The following CEP112 variants were observed in gnomAD, a reference collection of about 807,000 sequenced individuals.
The protein encoded by CEP112 is centrosomal protein 112, also known as centrosomal protein of 112 kDa.
A neutral mutation model predicts 153.0 loss-of-function variants in CEP112; 127 were observed. The observed-to-expected ratio is 0.83, with a 90% CI of 0.72 to 0.96. CEP112 has a LOEUF of 0.96. Among genes scored for constraint, CEP112 ranks in the 40% least tolerant of loss-of-function variants. CEP112 has a pLI of 0.00. For synonymous variants in CEP112, 358 were observed against 374.4 expected, an observed-to-expected ratio of 0.96 and a Z score of 0.51; for missense variants, 1,089 against 1,101.2, an observed-to-expected ratio of 0.99 and a Z score of 0.16.
chr17:66,011,635 T>C (rs1195346306), intron 16 of CEP112, among the ~76,000 whole-genome samples: 1 of 152,126 alleles, frequency 6.6e-6, no homozygotes, highest in African/African-American at 2.4e-5. Context: ...TTGTGTCCAA[T>C]TGTGTGCTTG....
At chr17:65,685,014 G>A (rs1447024614) in intron 24 of CEP112, among the ~76,000 whole-genome samples, 1 of 152,150 alleles carries the variant, frequency 6.6e-6, no homozygotes, top group Non-Finnish European at 1.5e-5. Flanking sequence ...TCACGTTTTT[G>A]TAAAGCTGAC....
chr17:66,065,371 T>C (rs553937820), intron 10 of CEP112, among the ~76,000 whole-genome samples: 5 of 152,300 alleles, frequency 3.3e-5, no homozygotes, highest in Middle Eastern at 3.4e-3. Flanking sequence ...CAGCCTATGT[T>C]TTCTAATAAG....
chr17:65,866,603 G>A (rs1405329957), intron 20 of CEP112, among the ~76,000 whole-genome samples: 1 of 152,128 alleles, frequency 6.6e-6, no homozygotes, highest in Non-Finnish European at 1.5e-5. Flanking sequence ...CCAATCACAG[G>A]CACTTCCTCC....
At chr17:65,969,248 G>GT (rs998752527) in intron 17 of CEP112, among the ~76,000 whole-genome samples, 35 of 151,600 alleles carry the variant, frequency 2.3e-4, no homozygotes, top group Admixed American at 1.2e-3. Flanking sequence ...CGCCTGACTA[G>GT]TTTTTTTTGT....
intron 21 of CEP112, among the ~76,000 whole-genome samples, chr17:65,845,280 T>C (rs895172233): frequency 6.6e-6 from 1 of 152,058 alleles, no homozygotes; most frequent in Admixed American, 6.6e-5. Flanking sequence ...GATTGTACCA[T>C]TGCACTCCAG....
chr17:65,910,142 C>G (rs188206004), intron 19 of CEP112, among the ~76,000 whole-genome samples: 1 of 152,246 alleles, frequency 6.6e-6, no homozygotes, highest in Admixed American at 6.5e-5. Flanking sequence ...TGTTAAAAGA[C>G]AGAGCCAGTA....
At chr17:65,872,957 C>T (rs1568148750) in intron 20 of CEP112, 2 of 152,056 alleles carry the variant, frequency 1.3e-5, no homozygotes, top group South Asian at 2.1e-4. Context: ...TTGTACTTAC[C>T]GAGAGTACAG....
At position 65,798,706 on chromosome 17, in the gene CEP112, C is replaced by T. The variant is rs1025104845; in HGVS notation, c.2395-47982G>A. ...TCGCAGAACAGAATTTGGAAAAATC[C>T]GAGAATTTTTACTGTCTCTTGTTTA... On this transcript the variant is annotated intron_variant, in intron 21 of 26. Transcript: ENST00000535342. Among the ~76,000 whole-genome samples, 4 of 152,114 alleles carry T rather than the reference C, an allele frequency of 2.6e-5. No homozygotes were observed. In the East Asian group the frequency reaches 7.7e-4, roughly 29 times the overall value.
At chr17:65,776,726 A>G (rs1167100906) in intron 21 of CEP112, among the ~76,000 whole-genome samples, 1 of 152,226 alleles carries the variant, frequency 6.6e-6, no homozygotes, top group Non-Finnish European at 1.5e-5. Flanking sequence ...TTTAAGATAA[A>G]TCCCAGAAAG....
rs149216985 is a variant in CEP112, at chr17:65,703,006, C to T, written c.2608-13788G>A. Among the ~76,000 whole-genome samples the T allele has an allele frequency of 2.5e-3, 387 of 152,210 alleles. 5 individuals carry two copies. The highest frequency in any genetic ancestry group is 8.7e-3 in the African/African-American group (361 of 41,520). On this transcript the variant is annotated intron_variant, in intron 23 of 26. Transcript: ENST00000535342. ...GTGGGGACACAGAGCCAAATCATAT[C>T]AATAAGTATGTATATACAGGAAAAA...
chr17:65,994,886 C>G (rs1023418556), intron 17 of CEP112, among the ~76,000 whole-genome samples: 2 of 152,146 alleles, frequency 1.3e-5, no homozygotes, highest in African/African-American at 4.8e-5. Flanking sequence ...CTCTTTCTCT[C>G]TCTGGTGCCA....
chr17:65,641,200 G>T (rs1390070068), intron 24 of CEP112, 135 bp from the exon 25 acceptor site: 2 of 565,984 alleles, frequency 3.5e-6, no homozygotes, highest in Non-Finnish European at 6.2e-6. Context: ...CAATAAAGAT[G>T]AAATAAGAAG....
At chr17:65,993,937 TA>T (rs954501931) in intron 17 of CEP112, among the ~76,000 whole-genome samples, 38 of 151,974 alleles carry the variant, frequency 2.5e-4, no homozygotes, top group African/African-American at 9.2e-4. Flanking sequence ...TGCTTTTTGG[TA>T]TGTATGTTAT....
chr17:65,791,581 G>C (rs1182287312), intron 21 of CEP112, among the ~76,000 whole-genome samples: 1 of 152,136 alleles, frequency 6.6e-6, no homozygotes, highest in African/African-American at 2.4e-5. Flanking sequence ...TCTCTGAAAA[G>C]AACCCAACCA....
intron 19 of CEP112, chr17:65,913,613 T>C (rs1374991422): frequency 4.1e-6 from 4 of 985,480 alleles, no homozygotes; most frequent in Non-Finnish European, 4.8e-6. Context: ...AGTTTACGCA[T>C]GGAAGTTCTC....
intron 19 of CEP112, among the ~76,000 whole-genome samples, chr17:65,919,205 G>C (rs1447140316): frequency 2.6e-5 from 4 of 152,150 alleles, no homozygotes; most frequent in African/African-American, 9.7e-5. Flanking sequence ...TACAAAACAG[G>C]AAAGTCTATG....
At chr17:65,990,046 G>A (rs2063541119) in intron 17 of CEP112, among the ~76,000 whole-genome samples, 1 of 152,048 alleles carries the variant, frequency 6.6e-6, no homozygotes, top group African/African-American at 2.4e-5. Flanking sequence ...AAAATAAAAA[G>A]CAATTAATTA....
At chr17:65,937,275 C>T (rs1273798221) in intron 18 of CEP112, among the ~76,000 whole-genome samples, 1 of 109,294 alleles carries the variant, frequency 9.1e-6, no homozygotes, top group Non-Finnish European at 1.9e-5. Context: ...GCCTGGCTGC[C>T]CAGTCTGGAA....
intron 4 of CEP112, among the ~76,000 whole-genome samples, chr17:66,133,193 T>C (rs190765937): frequency 1.5e-4 from 23 of 152,280 alleles, no homozygotes; most frequent in Middle Eastern, 3.4e-3. Flanking sequence ...CTTATGCAAA[T>C]GCTATTTTTA....
Sources: gnomAD v4.1 joint callset for allele counts (sites outside exome capture counted in the v4.1 genomes callset) on GRCh38, gnomAD v4.1.1 for gene constraint, MANE v1.5 for transcripts, NCBI Gene and HGNC (gene_info 2026-07-23, HGNC 2026-07-21) for gene names.